Variants in TEX15 observed in about 807,000 individuals in gnomAD.
TEX15 encodes testis-expressed protein 15.
Under a neutral mutation model 237.3 loss-of-function variants are expected in TEX15, and 171 were observed. That is an observed-to-expected ratio of 0.72 (90% CI 0.64 to 0.82). The LOEUF (loss-of-function observed/expected upper bound fraction) is 0.82, where lower values mean the gene tolerates loss of function less well. Ranked by LOEUF, TEX15 falls within the 40% of genes least tolerant of loss-of-function variation. TEX15 has a pLI of 0.00. For synonymous variants in TEX15, 1,338 were observed against 1,269.8 expected (o/e 1.05, Z -1.14); for missense variants, 3,750 against 3,646.5 (o/e 1.03, Z -0.73).
intron 1 of TEX15, among the ~76,000 whole-genome samples, chr8:30,905,734 CAA>C (rs34079195): frequency 3.9e-4 from 20 of 50,980 alleles, no homozygotes; most frequent in East Asian, 2.2e-3. Flanking sequence ...ACAAAAAATA[CAA>C]AAAAAAAAAA....
At chr8:30,909,142 A>G (rs1262267520) in intron 1 of TEX15, among the ~76,000 whole-genome samples, 1 of 151,974 alleles carries the variant, frequency 6.6e-6, no homozygotes. Context: ...GACAAACTAG[A>G]TACTCAAATC....
intron 3 of TEX15, among the ~76,000 whole-genome samples, chr8:30,880,205 G>GT (rs764925457): frequency 7.3e-6 from 1 of 137,438 alleles, no homozygotes; most frequent in African/African-American, 3.3e-5. Context: ...ATTTTTTTCT[G>GT]TTTTTAGTAG....
chr8:30,872,211 T>C (rs941985947), intron 4 of TEX15, among the ~76,000 whole-genome samples: 2 of 152,098 alleles, frequency 1.3e-5, no homozygotes, highest in Non-Finnish European at 1.5e-5. Context: ...GCATTTAAAA[T>C]ACAGTCATGT....
chr8:30,839,071 C>T (rs2128766603), intron 9 of TEX15, among the ~76,000 whole-genome samples: 1 of 152,132 alleles, frequency 6.6e-6, no homozygotes, highest in Non-Finnish European at 1.5e-5. Context: ...CCGCCTTGGC[C>T]TCCCAAAGTG....
intron 4 of TEX15, among the ~76,000 whole-genome samples, chr8:30,869,380 T>C (rs1219441693): frequency 2.0e-5 from 3 of 152,032 alleles, no homozygotes; most frequent in Admixed American, 2.0e-4. Flanking sequence ...CAGGATGGCA[T>C]ATAAGAAAAC....
intron 9 of TEX15, 123 bp downstream of exon 9, chr8:30,839,783 C>T (rs767349192): frequency 3.6e-6 from 2 of 553,140 alleles, no homozygotes; most frequent in Non-Finnish European, 6.3e-6. Context: ...AGCTTACTCT[C>T]ATCCCCTAAG....
At chr8:30,871,016 T>A (rs559492363) in intron 4 of TEX15, among the ~76,000 whole-genome samples, 2 of 152,128 alleles carry the variant, frequency 1.3e-5, no homozygotes, top group East Asian at 3.9e-4. Flanking sequence ...CATAATCTCC[T>A]TTTTTCATCT....
intron 10 of TEX15, among the ~76,000 whole-genome samples, chr8:30,834,464 G>A (rs1224046556): frequency 5.2e-5 from 7 of 133,622 alleles, no homozygotes; most frequent in Admixed American, 1.6e-4. Flanking sequence ...GAGCTACTGC[G>A]TCCAGCCTTT....
chr8:30,864,285 TAAA>T (rs113313825), intron 5 of TEX15, among the ~76,000 whole-genome samples: 1 of 121,990 alleles, frequency 8.2e-6, no homozygotes, highest in Admixed American at 8.0e-5. Flanking sequence ...GAAAAAAGAC[TAAA>T]AAAAAAAAAA....
intron 6 of TEX15, among the ~76,000 whole-genome samples, chr8:30,859,058 G>A (rs1334474338): frequency 2.0e-5 from 3 of 151,650 alleles, no homozygotes; most frequent in African/African-American, 4.8e-5. Context: ...GGCACAATTC[G>A]TTTTTAAATA....
At chr8:30,891,951 CCCA>C (rs986192431) in intron 2 of TEX15, among the ~76,000 whole-genome samples, 3 of 152,028 alleles carry the variant, frequency 2.0e-5, no homozygotes, top group African/African-American at 7.2e-5. Flanking sequence ...AGTAATTCCC[CCCA>C]CTTTTAAAAA....
intron 7 of TEX15, among the ~76,000 whole-genome samples, chr8:30,852,307 G>A (rs537271093): frequency 3.3e-5 from 5 of 151,396 alleles, no homozygotes; most frequent in Admixed American, 6.6e-5. Context: ...GGGTTTCACC[G>A]TGGTCTCGAT....
intron 2 of TEX15, among the ~76,000 whole-genome samples, chr8:30,898,134 G>A (rs1377605390): frequency 1.3e-5 from 2 of 152,064 alleles, no homozygotes; most frequent in Non-Finnish European, 2.9e-5. Flanking sequence ...ATTCTCCACT[G>A]GACTACAATT....
intron 1 of TEX15, among the ~76,000 whole-genome samples, chr8:30,909,995 A>G (rs1424957372): frequency 6.6e-6 from 1 of 152,156 alleles, no homozygotes; most frequent in Admixed American, 6.5e-5. Flanking sequence ...CATGAAGCCA[A>G]GCTATTTTGA....
chr8:30,899,972 G>C (rs1396098847), intron 1 of TEX15, among the ~76,000 whole-genome samples: 2 of 152,072 alleles, frequency 1.3e-5, no homozygotes, highest in African/African-American at 2.4e-5. Context: ...AAAATGCTAT[G>C]CATTTTCAAG....
rs140504553 is a variant in TEX15 at position 30,906,404 on chromosome 8, T to C, written c.-86+6475A>G. Among the ~76,000 whole-genome samples the C allele has an allele frequency of 3.1e-3, 471 of 151,622 alleles. 3 individuals are homozygous for C. Among genetic ancestry groups the C allele is most frequent in the African/African-American group, 0.011 (450 of 41,310 alleles). On this transcript the variant is annotated intron_variant, in intron 1 of 10. Transcript: ENST00000643185. ...ATCAAGACCATCTTGGCTAACATGGTGAAACCCCATCTCTACTAAAAATAC... is the reference window on the plus strand; with the variant it reads ...ATCAAGACCATCTTGGCTAACATGGCGAAACCCCATCTCTACTAAAAATAC...
Position 30,848,716 on chromosome 8 carries a change from G to GCA in TEX15, c.1450_1451insTG (p.Pro484LeufsTer65). The stretch of plus-strand genomic sequence containing the variant: ...ATTAGTAAGAACAGCACAATCACCA[G>GCA]GGACAACTTCTGAGGAGGAGGCAGA... On this transcript the variant is annotated frameshift_variant, in exon 8 of 11. Transcript: ENST00000643185. LOFTEE classifies it high-confidence loss of function. The GCA allele has an allele frequency of 6.2e-7, 1 of 1,614,136 alleles. No individual in the cohort carries two copies. Among genetic ancestry groups the GCA allele is most frequent in the Non-Finnish European group, 8.5e-7 (1 of 1,180,020 alleles).
chr8:30,874,916 G>A (rs1386877025), intron 4 of TEX15, 21 bp downstream of exon 4: 20 of 1,272,836 alleles, frequency 1.6e-5, no homozygotes, highest in South Asian at 3.0e-5. Flanking sequence ...TCTCAAACAC[G>A]TTTAGATCAT....
intron 4 of TEX15, among the ~76,000 whole-genome samples, chr8:30,871,196 TCA>T (rs2128772509): frequency 6.6e-6 from 1 of 152,156 alleles, no homozygotes; most frequent in East Asian, 1.9e-4. Flanking sequence ...GTAACCTCAA[TCA>T]CACCTGCAAA....
Sources: allele counts gnomAD v4.1 joint callset (sites outside exome capture counted in the v4.1 genomes callset), GRCh38; gene constraint gnomAD v4.1.1; transcripts MANE v1.5; gene names NCBI Gene and HGNC (gene_info 2026-07-23, HGNC 2026-07-21).